PELI2: variants seen among roughly 807,000 people sequenced by gnomAD.
The protein encoded by PELI2 is pellino E3 ubiquitin protein ligase family member 2.
In PELI2, 23 loss-of-function variants were observed where a neutral mutation model predicts 42.3. The ratio of observed to expected loss-of-function variants is 0.54; its 90% CI spans 0.39 to 0.77. The LOEUF (loss-of-function observed/expected upper bound fraction) is 0.77. Among genes scored for constraint, PELI2 ranks in the 30% least tolerant of loss-of-function variants. The pLI, the probability that PELI2 is intolerant of heterozygous loss-of-function variation, is 0.00. For synonymous variants in PELI2, 245 were observed against 212.2 expected, an observed-to-expected ratio of 1.15 and a Z score of -1.34; for missense variants, 463 against 553.2, an observed-to-expected ratio of 0.84 and a Z score of 1.64.
At chr14:56,267,506 G>GA in intron 2 of PELI2, among the ~76,000 whole-genome samples, 1 of 152,244 alleles carries the variant, frequency 6.6e-6, no homozygotes, top group South Asian at 2.1e-4. Context: ...TACTTCCAAG[G>GA]AAAGACATTC....
chr14:56,253,916 G>C (rs1412752284), intron 2 of PELI2, among the ~76,000 whole-genome samples: 1 of 152,184 alleles, frequency 6.6e-6, no homozygotes, highest in East Asian at 1.9e-4. Flanking sequence ...AACAAAGCTA[G>C]AGGCATCACA....
chr14:56,231,931 C>G, intron 2 of PELI2, among the ~76,000 whole-genome samples: 1 of 152,104 alleles, frequency 6.6e-6, no homozygotes, highest in Non-Finnish European at 1.5e-5. Flanking sequence ...GGGGATATCA[C>G]CACCGATCCC....
intron 1 of PELI2, among the ~76,000 whole-genome samples, chr14:56,159,408 C>T (rs988742902): frequency 2.0e-5 from 3 of 152,180 alleles, no homozygotes; most frequent in African/African-American, 7.2e-5. Flanking sequence ...CATGCCAAAG[C>T]AAGTCACATG....
chr14:56,232,459 G>A (rs1364298531), intron 2 of PELI2, among the ~76,000 whole-genome samples: 12 of 152,030 alleles, frequency 7.9e-5, no homozygotes, highest in Non-Finnish European at 1.0e-4. Context: ...TTCAACATAC[G>A]CAAATCAATA....
At chr14:56,124,378 A>G (rs1400715014) in intron 1 of PELI2, among the ~76,000 whole-genome samples, 1 of 152,180 alleles carries the variant, frequency 6.6e-6, no homozygotes, top group Non-Finnish European at 1.5e-5. Context: ...TGGGAGAGAA[A>G]GGGGTGGAGT....
chr14:56,124,219 C>T (rs1883164890), intron 1 of PELI2, among the ~76,000 whole-genome samples: 1 of 152,224 alleles, frequency 6.6e-6, no homozygotes, highest in South Asian at 2.1e-4. Context: ...ACCACTGTCT[C>T]AAGTACCTCA....
Position 56,298,633 on chromosome 14 carries a change from T to C in PELI2, c.*1467T>C, listed in dbSNP as rs991018092. The C allele has an allele frequency of 1.3e-5, 2 of 152,668 alleles. No individual in the cohort carries two copies. The highest frequency in any genetic ancestry group is 2.9e-5 in the Non-Finnish European group (2 of 68,022). 9.5% of individuals were successfully genotyped at this position (152,668 alleles called of 1,614,324 possible). ...CTATATCCATACTTGAATTGGTTTTTTCGTATTTTGCCTACTGGCAAATAT... is the reference window on the plus strand; with the variant it reads ...CTATATCCATACTTGAATTGGTTTTCTCGTATTTTGCCTACTGGCAAATAT... On this transcript the variant is annotated 3_prime_UTR_variant, in exon 6 of 6. Transcript: ENST00000267460.
chr14:56,202,400 G>A (rs1886361371), intron 2 of PELI2, among the ~76,000 whole-genome samples: 1 of 151,678 alleles, frequency 6.6e-6, no homozygotes, highest in African/African-American at 2.4e-5. Flanking sequence ...CTGTCCTACA[G>A]AAGTGAAAGC....
chr14:56,232,078 A>G (rs1262161219), intron 2 of PELI2, among the ~76,000 whole-genome samples: 1 of 152,208 alleles, frequency 6.6e-6, no homozygotes, highest in African/African-American at 2.4e-5. Context: ...GAACCCCTGG[A>G]TAGACAAATA....
chr14:56,163,733 G>A (rs1884850004), intron 1 of PELI2, among the ~76,000 whole-genome samples: 1 of 151,558 alleles, frequency 6.6e-6, no homozygotes, highest in African/African-American at 2.4e-5. Flanking sequence ...ATTTTTTGGT[G>A]TCCTCTTCAG....
At chr14:56,250,730 A>G (rs1038335679) in intron 2 of PELI2, among the ~76,000 whole-genome samples, 1 of 152,134 alleles carries the variant, frequency 6.6e-6, no homozygotes, top group Non-Finnish European at 1.5e-5. Flanking sequence ...GCCCATCCAG[A>G]TTGAGAGTGG....
At chr14:56,275,713 C>T (rs564704739) in intron 2 of PELI2, among the ~76,000 whole-genome samples, 9 of 152,312 alleles carry the variant, frequency 5.9e-5, no homozygotes, top group African/African-American at 2.2e-4. Context: ...CTGCCACTCA[C>T]CTCCTGCTGT....
chr14:56,282,636 A>G (rs1269881071), intron 3 of PELI2, among the ~76,000 whole-genome samples: 1 of 151,992 alleles, frequency 6.6e-6, no homozygotes. Context: ...AAAAATAGTT[A>G]TTAAAGTGCC....
At chr14:56,119,827 A>G (rs906598716) in intron 1 of PELI2, 1 of 985,156 alleles carries the variant, frequency 1.0e-6, no homozygotes, top group African/African-American at 1.7e-5. Flanking sequence ...TTCTGCGTTG[A>G]AAGACCTGTA....
chr14:56,300,057 C>A lies in PELI2; in HGVS notation c.*2891C>A, dbSNP rs778507673. The A allele has an allele frequency of 6.6e-6, 1 of 152,570 alleles. No individual in the cohort carries two copies. The highest frequency in any genetic ancestry group is 1.5e-5 in the Non-Finnish European group (1 of 68,024). 9.5% of individuals were successfully genotyped at this position (152,570 alleles called of 1,614,324 possible). A position where few individuals can be genotyped will look rare whatever the true frequency, so the allele number is the denominator to read the frequency against. ...TTTAGCAAAAAGGGCTACAGTTCAC[C>A]CTGCAGAGTATTAAGGTTTCTGGAT... is the stretch of plus-strand genomic sequence containing the variant. On this transcript the variant is annotated 3_prime_UTR_variant, in exon 6 of 6. Transcript: ENST00000267460.
chr14:56,268,669 ACTTTCTCCATCT>A (rs1888992788), intron 2 of PELI2, among the ~76,000 whole-genome samples: 1 of 152,164 alleles, frequency 6.6e-6, no homozygotes, highest in Non-Finnish European at 1.5e-5. Context: ...GTTCAGGGTC[ACTTTCTCCATCT>A]CTTATCAGGT....
At chr14:56,162,910 T>C (rs1030206908) in intron 1 of PELI2, among the ~76,000 whole-genome samples, 1 of 152,006 alleles carries the variant, frequency 6.6e-6, no homozygotes, top group Admixed American at 6.6e-5. Flanking sequence ...TTGAGAAATG[T>C]CTATTTAAAT....
rs975134933 is a variant in PELI2 at position 56,229,458 on chromosome 14, A to C, written c.208-50218A>C. Among the ~76,000 whole-genome samples the C allele has an allele frequency of 1.9e-4, 29 of 152,332 alleles. 1 individual carries two copies. Among genetic ancestry groups the C allele is most frequent in the South Asian group, 1.9e-3 (9 of 4,824 alleles). ...CAATATTTGCTGTTCTGCAGCCTCCACTGGTGATACCAAGGCAAACGGGGT... is the reference window on the plus strand; with the variant it reads ...CAATATTTGCTGTTCTGCAGCCTCCCCTGGTGATACCAAGGCAAACGGGGT... On this transcript the variant is annotated intron_variant, in intron 2 of 5. Transcript: ENST00000267460.
chr14:56,237,428 A>C (rs1446381428), intron 2 of PELI2, among the ~76,000 whole-genome samples: 1 of 152,080 alleles, frequency 6.6e-6, no homozygotes, highest in Non-Finnish European at 1.5e-5. Context: ...AGACAACTCT[A>C]ATTTTTAGAT....
Sources: gnomAD v4.1 joint callset for allele counts (sites outside exome capture counted in the v4.1 genomes callset) on GRCh38, gnomAD v4.1.1 for gene constraint, MANE v1.5 for transcripts, NCBI Gene and HGNC (gene_info 2026-07-23, HGNC 2026-07-21) for gene names.